Variants in PRELID2 observed in about 807,000 individuals in gnomAD.
The protein encoded by PRELID2 is PRELI domain-containing protein 2.
PRELID2 carries 25 observed loss-of-function variants against 28.4 expected under a neutral mutation model. The ratio of observed to expected loss-of-function variants is 0.88; its 90% CI spans 0.64 to 1.23. PRELID2 has a LOEUF of 1.23. PRELID2 is among the 50% of genes most tolerant of loss of function. The pLI is 0.00. For synonymous variants in PRELID2, 76 were observed against 71.6 expected (o/e 1.06, Z -0.31); for missense variants, 201 against 214.4 (o/e 0.94, Z 0.39).
intron 1 of PRELID2, among the ~76,000 whole-genome samples, chr5:145,709,888 T>G (rs1255730493): frequency 1.3e-5 from 2 of 152,210 alleles, no homozygotes; most frequent in African/African-American, 4.8e-5. Flanking sequence ...GCAATAAAAC[T>G]TCTGGAGGTC....
chr5:145,573,849 C>G (rs1753036699), intron 1 of PRELID2, among the ~76,000 whole-genome samples: 1 of 152,018 alleles, frequency 6.6e-6, no homozygotes, highest in Non-Finnish European at 1.5e-5. Context: ...AGTGGAGGAA[C>G]CCACACCAAA....
downstream of PRELID2, among the ~76,000 whole-genome samples, chr5:145,468,065 G>C (rs1004803899): frequency 2.6e-5 from 4 of 151,674 alleles, no homozygotes; most frequent in Admixed American, 6.6e-5. Flanking sequence ...ATCCCTCCCC[G>C]CTCTCCCAAC....
the PRELID2 span, among the ~76,000 whole-genome samples, chr5:145,339,750 T>G: frequency 9.3e-3 from 1,414 of 152,284 alleles, 12 homozygotes; most frequent in Middle Eastern, 0.017. Context: ...CTGCTCCCGC[T>G]GCTCCAGCTG....
At chr5:145,819,674 C>A in intron 3 of PRELID2, 1 of 564,996 alleles carries the variant, frequency 1.8e-6, no homozygotes, top group South Asian at 2.5e-5. Flanking sequence ...ATAGTCACTT[C>A]ATGCAAAATG....
At chr5:145,353,426 G>T in the PRELID2 span, among the ~76,000 whole-genome samples, 1 of 151,776 alleles carries the variant, frequency 6.6e-6, no homozygotes, top group Non-Finnish European at 1.5e-5. Flanking sequence ...TTGTGCCACT[G>T]CACTACAGCT....
At chr5:145,282,928 G>C in the PRELID2 span, among the ~76,000 whole-genome samples, 6 of 152,178 alleles carry the variant, frequency 3.9e-5, no homozygotes, top group Non-Finnish European at 5.9e-5. Flanking sequence ...GTCTTCATTA[G>C]TGAAGGTTCA....
At chr5:145,493,879 A>T (rs1346356246) in intron 1 of PRELID2, among the ~76,000 whole-genome samples, 2 of 152,182 alleles carry the variant, frequency 1.3e-5, no homozygotes, top group Admixed American at 1.3e-4. Context: ...ATATTTTTAA[A>T]TGACTCTTAA....
chr5:145,827,684 A>G (rs1173052456), intron 1 of PRELID2, among the ~76,000 whole-genome samples: 1 of 152,236 alleles, frequency 6.6e-6, no homozygotes, highest in Non-Finnish European at 1.5e-5. Context: ...TCCTCTTATC[A>G]CAACATCAAA....
chr5:145,260,803 A>G, the PRELID2 span, among the ~76,000 whole-genome samples: 2 of 152,222 alleles, frequency 1.3e-5, no homozygotes, highest in South Asian at 2.1e-4. Context: ...CAGGAATGCC[A>G]AGAGAATCTA....
At chr5:145,383,722 T>C in the PRELID2 span, among the ~76,000 whole-genome samples, 44 of 151,966 alleles carry the variant, frequency 2.9e-4, no homozygotes, top group East Asian at 7.7e-3. Flanking sequence ...AAAAATCTTC[T>C]AGAAGAAAAT....
At chr5:145,701,040 T>C (rs2149702813) in intron 1 of PRELID2, among the ~76,000 whole-genome samples, 1 of 152,276 alleles carries the variant, frequency 6.6e-6, no homozygotes, top group Non-Finnish European at 1.5e-5. Context: ...TCAGGAGATA[T>C]TAGGTGCCAC....
chr5:145,763,120 C>T (rs1305752787), intron 6 of PRELID2, among the ~76,000 whole-genome samples: 1 of 152,188 alleles, frequency 6.6e-6, no homozygotes, highest in African/African-American at 2.4e-5. Context: ...GTTTGAAGAC[C>T]AATAGGTGTA....
chr5:145,621,434 A>G (rs914707398), intron 1 of PRELID2, among the ~76,000 whole-genome samples: 1 of 152,188 alleles, frequency 6.6e-6, no homozygotes, highest in Non-Finnish European at 1.5e-5. Context: ...TCTACACAAA[A>G]ACTTGTACAC....
intron 1 of PRELID2, among the ~76,000 whole-genome samples, chr5:145,490,842 A>G (rs534594789): frequency 3.9e-5 from 6 of 152,290 alleles, no homozygotes; most frequent in Admixed American, 3.9e-4. Flanking sequence ...ACAACGACTA[A>G]CTAAAGCTGA....
In PRELID2 at chr5:145,737,943, C is replaced by A. The variant is rs144315565; in HGVS notation, n.70+26988G>T. Reference sequence around the variant, plus strand: ...AAGGAGATACCTCTTTCCTGCCGCACTGAGGTAGTTCTGGGAAAAGCCTAG... The same window carrying A: ...AAGGAGATACCTCTTTCCTGCCGCAATGAGGTAGTTCTGGGAAAAGCCTAG... On this transcript the variant is annotated intron_variant and non_coding_transcript_variant, in intron 1 of 2. Transcript: ENST00000510259. Among the ~76,000 whole-genome samples the A allele has an allele frequency of 1.1e-3, 174 of 152,320 alleles. 1 individual carries two copies. The highest frequency in any genetic ancestry group is 3.8e-3 in the African/African-American group (160 of 41,566).
Position 145,724,099 on chromosome 5 carries a change from C to A in PRELID2, n.70+40832G>T, listed in dbSNP as rs545842216. ...GTGACAAATGCAACATGCAAATATA[C>A]ATATATTTCAAACATGTCTATGTAA... On this transcript the variant is annotated intron_variant and non_coding_transcript_variant, in intron 1 of 2. Coordinates refer to the PRELID2 transcript ENST00000510259. Among the ~76,000 whole-genome samples, 412 of 152,158 alleles carry A rather than the reference C, an allele frequency of 2.7e-3. 3 individuals carry two copies. The highest frequency in any genetic ancestry group is 9.2e-3 in the African/African-American group (380 of 41,512).
At chr5:145,423,001 G>T in the PRELID2 span, among the ~76,000 whole-genome samples, 2 of 146,560 alleles carry the variant, frequency 1.4e-5, no homozygotes, top group Non-Finnish European at 3.0e-5. Context: ...ATGAAGCTTA[G>T]TTTGGCTGGA....
At chr5:145,422,734 C>A in the PRELID2 span, among the ~76,000 whole-genome samples, 1 of 151,768 alleles carries the variant, frequency 6.6e-6, no homozygotes, top group Non-Finnish European at 1.5e-5. Context: ...AGTCCATTTA[C>A]ATTTAAAGTT....
chr5:145,398,290 G>A, the PRELID2 span, among the ~76,000 whole-genome samples: 3 of 152,208 alleles, frequency 2.0e-5, no homozygotes, highest in East Asian at 1.9e-4. Context: ...AATTGCCCAC[G>A]TATCATTATT....
Sources: allele counts gnomAD v4.1 joint callset (sites outside exome capture counted in the v4.1 genomes callset), GRCh38; gene constraint gnomAD v4.1.1; transcripts MANE v1.5; gene names NCBI Gene and HGNC (gene_info 2026-07-23, HGNC 2026-07-21).